Variants in CTIF observed in about 807,000 individuals in gnomAD.
The protein encoded by CTIF is CBP80/20-dependent translation initiation factor.
CTIF carries 21 observed loss-of-function variants against 66.0 expected under a neutral mutation model. The ratio of observed to expected loss-of-function variants is 0.32; its 90% CI spans 0.23 to 0.46. The LOEUF is 0.46. CTIF is among the 20% of genes least tolerant of loss of function. The pLI, the probability that CTIF is intolerant of heterozygous loss-of-function variation, is 1.00. For synonymous variants in CTIF, 345 were observed against 326.4 expected (o/e 1.06, Z -0.62); for missense variants, 739 against 812.7 (o/e 0.91, Z 1.10).
intron 1 of CTIF, among the ~76,000 whole-genome samples, chr18:48,560,346 C>G (rs2089127424): frequency 6.6e-6 from 1 of 151,808 alleles, no homozygotes; most frequent in African/African-American, 2.4e-5. Flanking sequence ...CTGCCTCAGC[C>G]TCTGGAGTAG....
intron 1 of CTIF, among the ~76,000 whole-genome samples, chr18:48,574,160 G>C (rs1311881203): frequency 6.6e-6 from 1 of 152,238 alleles, no homozygotes; most frequent in Non-Finnish European, 1.5e-5. Context: ...TCACTCTGAA[G>C]AGGGAGGGTC....
intron 7 of CTIF, among the ~76,000 whole-genome samples, chr18:48,715,268 C>G (rs1409744502): frequency 6.6e-6 from 1 of 152,032 alleles, no homozygotes; most frequent in Non-Finnish European, 1.5e-5. Context: ...AAAAATTAAG[C>G]TCATGGACAG....
At chr18:48,663,277 G>A (rs559298958) in intron 3 of CTIF, among the ~76,000 whole-genome samples, 2 of 152,292 alleles carry the variant, frequency 1.3e-5, no homozygotes, top group African/African-American at 2.4e-5. Context: ...CTGGAGGATC[G>A]GCTCGACTCA....
chr18:48,585,338 G>A (rs1371287966), intron 1 of CTIF, among the ~76,000 whole-genome samples: 1 of 152,254 alleles, frequency 6.6e-6, no homozygotes, highest in East Asian at 1.9e-4. Context: ...CTTTTAGAAA[G>A]TGGGGAAAGT....
chr18:48,585,574 ACT>A (rs1361020679), intron 1 of CTIF, among the ~76,000 whole-genome samples: 3 of 152,202 alleles, frequency 2.0e-5, no homozygotes, highest in Non-Finnish European at 4.4e-5. Flanking sequence ...GGATGACAGT[ACT>A]GTTTCCCCTG....
At position 48,761,989 on chromosome 18, in the gene CTIF, A is replaced by T. The variant is rs778238095; in HGVS notation, c.1371+300A>T. Among the ~76,000 whole-genome samples, 1 of 152,180 alleles carries T rather than the reference A, an allele frequency of 6.6e-6. No homozygotes were observed. The highest frequency in any genetic ancestry group is 1.5e-5 in the Non-Finnish European group (1 of 68,032). ...CATAAGAGGCTGGCTCTTGGTCTCA[A>T]CCTGGCTATGTGCTTTGACCTCTCT... is the stretch of plus-strand genomic sequence containing the variant. On this transcript the variant is annotated intron_variant, in intron 9 of 11. Transcript: ENST00000256413. This position sits in a 1 kb window ranked among gnomAD's most constrained non-coding sequence, Gnocchi z 4.2.
intron 9 of CTIF, among the ~76,000 whole-genome samples, chr18:48,816,016 A>G (rs892943962): frequency 2.0e-5 from 3 of 152,186 alleles, no homozygotes; most frequent in Non-Finnish European, 4.4e-5. Flanking sequence ...ATTGAGGCTG[A>G]ACAAACAACC....
rs945131070 is a variant in CTIF at position 48,861,913 on chromosome 18, C to T, written c.*2354C>T. On this transcript the variant is annotated 3_prime_UTR_variant, in exon 12 of 12. Coordinates refer to ENST00000256413, the MANE Select transcript of CTIF (RefSeq NM_014772.3). ...TTAATTACATGTCGTGTCACGGTGG[C>T]TCCAGACATACTGTTTGCCTAGTTT... The T allele has an allele frequency of 1.3e-5, 2 of 152,164 alleles. No homozygotes were observed. Among genetic ancestry groups the T allele is most frequent in the African/African-American group, 2.4e-5 (1 of 41,442 alleles). 9.4% of individuals were successfully genotyped at this position (152,164 alleles called of 1,614,324 possible).
chr18:48,731,672 C>T (rs1196674951), intron 7 of CTIF, among the ~76,000 whole-genome samples: 1 of 152,182 alleles, frequency 6.6e-6, no homozygotes, highest in African/African-American at 2.4e-5. Context: ...ATAAAGAAGA[C>T]CTCTTTAGTT....
In CTIF at chr18:48,730,715, G is replaced by GGTGTGAGGAGCCCCTGCA. The variant is rs1308749312; in HGVS notation, c.584+19028_584+19029insAGCCCCTGCAGTGTGAGG. Among the ~76,000 whole-genome samples the GGTGTGAGGAGCCCCTGCA allele has an allele frequency of 2.8e-4, 34 of 123,166 alleles. 3 individuals are homozygous for GGTGTGAGGAGCCCCTGCA. Among genetic ancestry groups the GGTGTGAGGAGCCCCTGCA allele is most frequent in the African/African-American group, 8.6e-4 (30 of 34,938 alleles). 80.8% of individuals were successfully genotyped at this position (123,166 alleles called of 152,430 possible). ...CCCCTGAGGTGTGAGGGGCTTCCGC[G>GGTGTGAGGAGCCCCTGCA]GTGTGAGGGGCTTCCGTGGTGTGAG... On this transcript the variant is annotated intron_variant, in intron 7 of 11. Transcript: ENST00000256413.
intron 10 of CTIF, among the ~76,000 whole-genome samples, chr18:48,835,535 T>C (rs1216920040): frequency 3.3e-5 from 5 of 152,140 alleles, no homozygotes; most frequent in Non-Finnish European, 5.9e-5. Flanking sequence ...GTGCAGATTT[T>C]TCATCGAGAT....
intron 6 of CTIF, among the ~76,000 whole-genome samples, chr18:48,680,682 T>G (rs550932217): frequency 1.3e-5 from 2 of 152,360 alleles, no homozygotes; most frequent in South Asian, 4.1e-4. Context: ...CTGAGCCAAT[T>G]TGGCGATGCC....
At chr18:48,719,887 C>T (rs1334901603) in intron 7 of CTIF, among the ~76,000 whole-genome samples, 1 of 152,184 alleles carries the variant, frequency 6.6e-6, no homozygotes, top group East Asian at 1.9e-4. Context: ...ATAAGCATCA[C>T]TCAGGCATGA....
rs951492707 is a variant in CTIF, at chr18:48,862,755, G to C, written c.*3196G>C. Reference sequence around the variant, plus strand: ...AGGCCGGGGCAGCTGTAGGGGCGGGGGCCCAGACAGCCAGGCCGCCACCAG... The same window carrying C: ...AGGCCGGGGCAGCTGTAGGGGCGGGCGCCCAGACAGCCAGGCCGCCACCAG... On this transcript the variant is annotated 3_prime_UTR_variant, in exon 12 of 12. Transcript: ENST00000256413. The C allele has an allele frequency of 5.9e-5, 9 of 152,478 alleles. No homozygotes were observed. The highest frequency in any genetic ancestry group is 3.3e-4 in the Admixed American group (5 of 15,302). 9.4% of individuals were successfully genotyped at this position (152,478 alleles called of 1,614,324 possible).
chr18:48,783,568 G>A (rs1911442330), intron 9 of CTIF, among the ~76,000 whole-genome samples: 2 of 152,162 alleles, frequency 1.3e-5, no homozygotes, highest in Non-Finnish European at 2.9e-5. Flanking sequence ...ACTGTTGAGT[G>A]TGTGGGGTAC....
intron 6 of CTIF, among the ~76,000 whole-genome samples, chr18:48,677,497 C>T (rs2091651043): frequency 1.3e-5 from 2 of 152,222 alleles, no homozygotes; most frequent in Non-Finnish European, 2.9e-5. Context: ...CGAACATTCA[C>T]AGAGTGCTTT....
At chr18:48,818,564 G>C (rs992791758) in intron 10 of CTIF, among the ~76,000 whole-genome samples, 1 of 152,190 alleles carries the variant, frequency 6.6e-6, no homozygotes, top group African/African-American at 2.4e-5. Flanking sequence ...CATGGAGGTA[G>C]GGGATAGAGG....
At chr18:48,675,427 C>A (rs2091610778) in intron 6 of CTIF, among the ~76,000 whole-genome samples, 1 of 152,186 alleles carries the variant, frequency 6.6e-6, no homozygotes, top group Admixed American at 6.5e-5. Context: ...TAGAGGGCAC[C>A]AGCGCACCAC....
Position 48,816,665 on chromosome 18 carries a change from T to C in CTIF, c.1372-556T>C, listed in dbSNP as rs192988907. ...CAATAATATTTTTAAGGAGGATGAA[T>C]GAATGAATGAACGAATGAATGCCTA... On this transcript the variant is annotated intron_variant, in intron 9 of 11. Transcript: ENST00000256413. Among the ~76,000 whole-genome samples, 756 of 152,270 alleles carry C rather than the reference T, an allele frequency of 5.0e-3. 3 individuals carry two copies. Among genetic ancestry groups the C allele is most frequent in the Non-Finnish European group, 8.4e-3 (569 of 68,004 alleles).
Sources: allele counts gnomAD v4.1 joint callset (sites outside exome capture counted in the v4.1 genomes callset), GRCh38; gene constraint gnomAD v4.1.1; non-coding constraint Gnocchi (gnomAD v3.1); transcripts MANE v1.5; gene names NCBI Gene and HGNC (gene_info 2026-07-23, HGNC 2026-07-21).